Variants in BRWD3 observed in about 807,000 individuals in gnomAD.
BRWD3 encodes bromodomain and WD repeat-containing protein 3.
In BRWD3, 10 loss-of-function variants were observed where a neutral mutation model predicts 149.7. The observed-to-expected ratio is 0.07, with a 90% confidence interval of 0.04 to 0.11. The LOEUF (loss-of-function observed/expected upper bound fraction) is 0.11. Among genes scored for constraint, BRWD3 ranks in the 10% least tolerant of loss-of-function variants. BRWD3 has a pLI of 1.00. For missense variants in BRWD3, 940 were observed against 1,373.2 expected (o/e 0.68, Z 4.99); for synonymous variants, 504 against 456.7 (o/e 1.10, Z -1.32).
At position 80,735,192 on chromosome X, in the gene BRWD3, C is replaced by T. The variant is rs754298107; in HGVS notation, c.920G>A (p.Arg307His). The change falls in exon 10 of 41, where the codon CGC becomes CAC. Residue 307 changes from arginine to histidine, a missense_variant. Transcript: ENST00000373275. ...GGATCTCTCAGTAAATTTCACCGGG[C>T]GATCTCTAAAGATAAAAATAAGGTG... The part of the protein sequence containing the change: ...WHVKTMKFRD[R>H]PVKFTERSRP... The T allele has an allele frequency of 6.2e-5, 75 of 1,202,215 alleles. No homozygotes were observed. The South Asian group carries it at 9.0e-4, about 14-fold the overall frequency.
intron 31 of BRWD3, among the ~76,000 whole-genome samples, chrX:80,690,518 C>T (rs1289503896): frequency 1.8e-5 from 2 of 111,363 alleles, no homozygotes; most frequent in Non-Finnish European, 3.8e-5. Flanking sequence ...ACAACCAGTT[C>T]TCAATTGCAA....
intron 4 of BRWD3, among the ~76,000 whole-genome samples, chrX:80,806,764 T>C (rs1204101228): frequency 8.9e-6 from 1 of 112,435 alleles, no homozygotes; most frequent in Non-Finnish European, 1.9e-5. Flanking sequence ...ACTATTCAAA[T>C]ACACAAGTAC....
intron 6 of BRWD3, among the ~76,000 whole-genome samples, chrX:80,746,552 C>T (rs1479374779): frequency 1.8e-5 from 2 of 111,497 alleles, no homozygotes; most frequent in Admixed American, 1.9e-4. Context: ...CACCCACTTG[C>T]CCTGTGAAAT....
intron 6 of BRWD3, among the ~76,000 whole-genome samples, chrX:80,767,626 T>C (rs1374597234): frequency 9.3e-6 from 1 of 107,445 alleles, no homozygotes; most frequent in Non-Finnish European, 1.9e-5. Flanking sequence ...AGCTGAAAAT[T>C]CTAAAAACCA....
At chrX:80,775,807 T>C (rs1284576056) in intron 6 of BRWD3, among the ~76,000 whole-genome samples, 1 of 112,124 alleles carries the variant, frequency 8.9e-6, no homozygotes, top group East Asian at 2.8e-4. Flanking sequence ...ACCAATATTA[T>C]CAGCATCTGT....
At chrX:80,685,985 T>C (rs1278535734) in intron 35 of BRWD3, among the ~76,000 whole-genome samples, 1 of 111,689 alleles carries the variant, frequency 9.0e-6, no homozygotes. Flanking sequence ...TCTCATCCTT[T>C]TACCTTTATT....
intron 12 of BRWD3, among the ~76,000 whole-genome samples, chrX:80,730,731 C>T (rs760864482): frequency 8.9e-6 from 1 of 112,158 alleles, no homozygotes; most frequent in African/African-American, 3.2e-5. Context: ...ATACTTCTGT[C>T]ACTGTTAACA....
chrX:80,714,599 T>C, intron 20 of BRWD3, among the ~76,000 whole-genome samples: 1 of 111,810 alleles, frequency 8.9e-6, no homozygotes, highest in Middle Eastern at 4.7e-3. Context: ...TATGTATCCC[T>C]AAAATGTATA....
At chrX:80,771,058 C>T (rs1010766298) in intron 6 of BRWD3, among the ~76,000 whole-genome samples, 2 of 111,331 alleles carry the variant, frequency 1.8e-5, no homozygotes, top group African/African-American at 6.5e-5. Context: ...ATGTGAAGGA[C>T]CTCTTCTAGG....
At chrX:80,713,154 G>C (rs1303975085) in intron 20 of BRWD3, among the ~76,000 whole-genome samples, 5 of 110,258 alleles carry the variant, frequency 4.5e-5, no homozygotes, top group African/African-American at 6.6e-5. Context: ...GAAGTGAGGA[G>C]CCCCTCTGCC....
intron 40 of BRWD3, 140 bp downstream of exon 40, chrX:80,681,201 C>G: frequency 3.5e-6 from 2 of 576,772 alleles, no homozygotes. Flanking sequence ...GAAATGCCAT[C>G]TGACTCATAT....
chrX:80,747,623 A>G (rs1183349166), intron 6 of BRWD3, among the ~76,000 whole-genome samples: 1 of 111,914 alleles, frequency 8.9e-6, no homozygotes, highest in African/African-American at 3.2e-5. Context: ...TCTTTCATCA[A>G]TGTTTTATAG....
intron 6 of BRWD3, among the ~76,000 whole-genome samples, chrX:80,749,305 GTC>G (rs969812061): frequency 9.0e-6 from 1 of 110,514 alleles, no homozygotes; most frequent in Non-Finnish European, 1.9e-5. Flanking sequence ...CAGTTGCAGT[GTC>G]TCTCTCTCTC....
At chrX:80,742,825 A>G (rs1332528835) in intron 8 of BRWD3, among the ~76,000 whole-genome samples, 1 of 111,534 alleles carries the variant, frequency 9.0e-6, no homozygotes, top group Non-Finnish European at 1.9e-5. Flanking sequence ...TAAATATACA[A>G]TCATGTCATC....
chrX:80,729,291 A>T (rs756133474), intron 13 of BRWD3, among the ~76,000 whole-genome samples: 162 of 111,906 alleles, frequency 1.4e-3, no homozygotes, highest in African/African-American at 5.0e-3. Context: ...TAGGTCTTAT[A>T]AAAAAGCAGA....
At chrX:80,790,119 G>A (rs1355542555) in intron 6 of BRWD3, among the ~76,000 whole-genome samples, 1 of 104,558 alleles carries the variant, frequency 9.6e-6, no homozygotes, top group East Asian at 3.0e-4. Context: ...AGGGAGTGGG[G>A]AGGTTGCAGT....
intron 6 of BRWD3, among the ~76,000 whole-genome samples, chrX:80,768,384 A>G (rs764401280): frequency 8.9e-6 from 1 of 111,974 alleles, no homozygotes; most frequent in Non-Finnish European, 1.9e-5. Flanking sequence ...CGGATCTCTC[A>G]GCAAAAACTC....
chrX:80,691,034 T>C lies in BRWD3; in HGVS notation c.3602+19A>G, dbSNP rs762444851. On this transcript the variant is annotated intron_variant, in intron 31 of 40. Coordinates refer to ENST00000373275, the MANE Select transcript of BRWD3 (RefSeq NM_153252.5). ...ATAAAGCTATAAATTTTATAATAAG[T>C]GATTAAAAAAAAACAGACCTGTAAA... The C allele has an allele frequency of 2.5e-6, 3 of 1,200,358 alleles. No homozygotes were observed. The highest frequency in any genetic ancestry group is 3.6e-5 in the African/African-American group (2 of 56,313).
At chrX:80,788,914 A>C (rs939637222) in intron 6 of BRWD3, among the ~76,000 whole-genome samples, 39 of 112,060 alleles carry the variant, frequency 3.5e-4, no homozygotes, top group African/African-American at 1.3e-3. Context: ...CAGTCACAGA[A>C]AGATTAGTGG....
Sources: allele counts gnomAD v4.1 joint callset (sites outside exome capture counted in the v4.1 genomes callset), GRCh38; gene constraint gnomAD v4.1.1; transcripts MANE v1.5; gene names NCBI Gene and HGNC (gene_info 2026-07-23, HGNC 2026-07-21).